KCNIP4: variants seen among roughly 807,000 people sequenced by gnomAD.
KCNIP4 encodes potassium voltage-gated channel interacting protein 4.
KCNIP4 carries 12 observed loss-of-function variants against 34.0 expected under a neutral mutation model. The observed-to-expected ratio is 0.35, with a 90% CI of 0.23 to 0.57. The LOEUF is 0.57. Ranked by LOEUF, KCNIP4 falls within the 20% of genes least tolerant of loss-of-function variation. The probability of loss-of-function intolerance (pLI) is 0.83; values close to 1 mark genes in which losing one functional copy is unlikely to be tolerated. For missense variants in KCNIP4, 238 were observed against 311.7 expected (o/e 0.76, Z 1.78); for synonymous variants, 124 against 102.2 (o/e 1.21, Z -1.29).
At chr4:21,141,523 A>C (rs1457343887) in intron 1 of KCNIP4, among the ~76,000 whole-genome samples, 1 of 152,224 alleles carries the variant, frequency 6.6e-6, no homozygotes, top group Non-Finnish European at 1.5e-5. Context: ...TTTGAAAAAA[A>C]TATGAAGAAG....
intron 1 of KCNIP4, among the ~76,000 whole-genome samples, chr4:21,473,784 G>T (rs1730668867): frequency 6.6e-6 from 1 of 151,576 alleles, no homozygotes; most frequent in South Asian, 2.1e-4. Context: ...CGCAGTCGTG[G>T]CTTACTGGAA....
chr4:21,278,498 T>C (rs1762575482), intron 1 of KCNIP4, among the ~76,000 whole-genome samples: 1 of 152,172 alleles, frequency 6.6e-6, no homozygotes, highest in African/African-American at 2.4e-5. Context: ...TCCAGCTCCA[T>C]CCAGGTTGCC....
In KCNIP4 at chr4:21,902,163, G is replaced by A. The variant is rs183875838; in HGVS notation, c.61+46408C>T. 3.6e-3 allele frequency among the ~76,000 whole-genome samples: 555 copies of A among 152,242 alleles called. 1 individual carries two copies. Among genetic ancestry groups the A allele is most frequent in the Middle Eastern group, 0.024 (7 of 294 alleles). ...TCTGCCAAGAGGGAAGGAATGAACA[G>A]AAGTGATGCCTGTTTGGGTGGTGTC... On this transcript the variant is annotated intron_variant, in intron 1 of 8. Transcript: ENST00000382152.
intron 1 of KCNIP4, among the ~76,000 whole-genome samples, chr4:21,791,897 G>C (rs1482749935): frequency 9.4e-5 from 14 of 149,526 alleles, no homozygotes; most frequent in Non-Finnish European, 1.2e-4. Context: ...AGCTACTCGG[G>C]AGGCTGAGGC....
chr4:21,028,961 G>A (rs1740776834), intron 1 of KCNIP4, among the ~76,000 whole-genome samples: 1 of 152,148 alleles, frequency 6.6e-6, no homozygotes, highest in Non-Finnish European at 1.5e-5. Context: ...CCAGGCCTGT[G>A]CTCTTGTGTG....
chr4:20,746,076 A>T (rs1417946796), intron 5 of KCNIP4, among the ~76,000 whole-genome samples: 1 of 152,220 alleles, frequency 6.6e-6, no homozygotes, highest in Non-Finnish European at 1.5e-5. Flanking sequence ...ACACATACAC[A>T]TGTATATGTA....
chr4:21,072,667 A>G (rs928051495), intron 1 of KCNIP4, among the ~76,000 whole-genome samples: 21 of 152,062 alleles, frequency 1.4e-4, no homozygotes, highest in Middle Eastern at 3.4e-3. Flanking sequence ...CCATTTGTCA[A>G]TTTTGGTTTT....
chr4:20,889,124 T>C (rs1308705541), intron 1 of KCNIP4, among the ~76,000 whole-genome samples: 1 of 152,126 alleles, frequency 6.6e-6, no homozygotes. Context: ...TAGAGATATC[T>C]GGGTTTTTTT....
chr4:21,360,183 T>C (rs1375502745), intron 1 of KCNIP4, among the ~76,000 whole-genome samples: 1 of 152,132 alleles, frequency 6.6e-6, no homozygotes, highest in Non-Finnish European at 1.5e-5. Context: ...TATTTGATTC[T>C]GGTAGAAAAT....
chr4:21,654,927 A>AC (rs986088582), intron 1 of KCNIP4, among the ~76,000 whole-genome samples: 1 of 152,092 alleles, frequency 6.6e-6, no homozygotes, highest in Non-Finnish European at 1.5e-5. Context: ...CTGTCTCAAA[A>AC]AAAAAAGGAA....
chr4:21,793,556 C>T (rs914275906), intron 1 of KCNIP4, among the ~76,000 whole-genome samples: 5 of 152,054 alleles, frequency 3.3e-5, no homozygotes, highest in African/African-American at 1.2e-4. Flanking sequence ...CCATGACCGG[C>T]CTGACAAGTA....
intron 1 of KCNIP4, among the ~76,000 whole-genome samples, chr4:21,123,673 C>T (rs73245250): frequency 0.03 from 4,578 of 152,170 alleles, 84 homozygotes; most frequent in Admixed American, 0.037. Flanking sequence ...AAAATTCACA[C>T]GTTGAAGCCC....
rs149543386 is a variant in KCNIP4 at position 21,469,338 on chromosome 4, A to C, written c.61+479233T>G. Among the ~76,000 whole-genome samples, 753 of 152,186 alleles carry C rather than the reference A, an allele frequency of 4.9e-3. 5 individuals carry two copies. The highest frequency in any genetic ancestry group is 0.02 in the Middle Eastern group (6 of 294). ...TAGGATTATAGGTATGAGCCACCGCACCTGGCCAATATACATTATTTTTAT... is the reference window on the plus strand; with the variant it reads ...TAGGATTATAGGTATGAGCCACCGCCCCTGGCCAATATACATTATTTTTAT... On this transcript the variant is annotated intron_variant, in intron 1 of 8. Transcript: ENST00000382152.
chr4:21,077,646 G>A (rs934487882), intron 1 of KCNIP4, among the ~76,000 whole-genome samples: 6 of 151,998 alleles, frequency 3.9e-5, no homozygotes, highest in Non-Finnish European at 7.4e-5. Flanking sequence ...GATAAAATAG[G>A]CAAAGCCATA....
Position 20,730,024 on chromosome 4 carries a change from T to TTTAAGGGTGGTAGA in KCNIP4, c.*44_*57dup. 2 of 1,554,958 alleles carry TTTAAGGGTGGTAGA rather than the reference T, an allele frequency of 1.3e-6. No homozygotes were observed. Among genetic ancestry groups the TTTAAGGGTGGTAGA allele is most frequent in the Non-Finnish European group, 1.7e-6 (2 of 1,153,782 alleles). On this transcript the variant is annotated 3_prime_UTR_variant, in exon 9 of 9. Transcript: ENST00000382152. Reference sequence around the variant, plus strand: ...CTATGCTAAAAGTGGTAGCTCCAACTTTAAGGGTGGTAGAATAGTTCACAT... The same window carrying TTTAAGGGTGGTAGA: ...CTATGCTAAAAGTGGTAGCTCCAACTTTAAGGGTGGTAGATTAAGGGTGGTAGAATAGTTCACAT...
chr4:21,432,309 C>T (rs1315580208), intron 1 of KCNIP4, among the ~76,000 whole-genome samples: 1 of 150,882 alleles, frequency 6.6e-6, no homozygotes, highest in Non-Finnish European at 1.5e-5. Context: ...TTATTTCTCC[C>T]AAGAGCCCGA....
At chr4:21,073,467 T>A (rs1273865060) in intron 1 of KCNIP4, among the ~76,000 whole-genome samples, 21 of 152,210 alleles carry the variant, frequency 1.4e-4, no homozygotes, top group Non-Finnish European at 2.9e-4. Flanking sequence ...AGAATGCTTG[T>A]GATTTTTGCA....
Position 20,972,655 on chromosome 4 carries a change from T to A in KCNIP4, c.62-89946A>T, listed in dbSNP as rs574075327. Among the ~76,000 whole-genome samples, 19 of 152,286 alleles carry A rather than the reference T, an allele frequency of 1.2e-4. 1 individual carries two copies. The East Asian group carries it at 1.5e-3, about 12-fold the overall frequency. On this transcript the variant is annotated intron_variant, in intron 1 of 8. Transcript: ENST00000382152. ...AGAATAGATTTAGTATAGTTTTTTT[T>A]AAAAGTAGTGCGGACCCAAAGAGTG... is the stretch of plus-strand genomic sequence containing the variant.
intron 1 of KCNIP4, among the ~76,000 whole-genome samples, chr4:21,538,354 G>A (rs997006162): frequency 6.6e-6 from 1 of 152,152 alleles, no homozygotes; most frequent in Admixed American, 6.5e-5. Flanking sequence ...AAATATCCAT[G>A]TACCACATGC....
Sources: gnomAD v4.1 joint callset for allele counts (sites outside exome capture counted in the v4.1 genomes callset) on GRCh38, gnomAD v4.1.1 for gene constraint, MANE v1.5 for transcripts, NCBI Gene and HGNC (gene_info 2026-07-23, HGNC 2026-07-21) for gene names.